Variants in MAP4K1 observed in about 807,000 individuals in gnomAD.
MAP4K1 encodes the protein MAPK/ERK kinase kinase kinase 1.
A neutral mutation model predicts 122.8 loss-of-function variants in MAP4K1; 35 were observed. The ratio of observed to expected loss-of-function variants is 0.29; its 90% CI spans 0.22 to 0.38. The LOEUF is 0.38. MAP4K1 is among the 10% of genes least tolerant of loss of function. The pLI is 1.00. For missense variants in MAP4K1, 791 were observed against 1,072.6 expected (o/e 0.74, Z 3.67); for synonymous variants, 412 against 421.3 (o/e 0.98, Z 0.27).
rs770234183 is a variant in MAP4K1 at position 38,596,036 on chromosome 19, C to T, written c.2117-35G>A. The T allele has an allele frequency of 8.8e-6, 14 of 1,590,848 alleles. No homozygotes were observed. The Admixed American group carries it at 2.2e-4, about 25-fold the overall frequency. On this transcript the variant is annotated intron_variant, in intron 26 of 30. Coordinates refer to ENST00000396857, the MANE Select transcript of MAP4K1 (RefSeq NM_001042600.3). Reference sequence around the variant, plus strand: ...GGGAGTGGGTTAAGGATTGACCCCACCCCATTCCCCTTTCCCCACACCACC... The same window carrying T: ...GGGAGTGGGTTAAGGATTGACCCCATCCCATTCCCCTTTCCCCACACCACC...
chr19:38,614,595 T>C, intron 4 of MAP4K1, 150 bp from the exon 5 acceptor site: 1 of 786,584 alleles, frequency 1.3e-6, no homozygotes, highest in South Asian at 1.5e-5. Flanking sequence ...GGTGGGGTGG[T>C]CAGTGACAGA....
intron 16 of MAP4K1, 58 bp from the exon 17 acceptor site, chr19:38,606,273 GATGGC>G (rs1975327315): frequency 2.4e-6 from 2 of 846,948 alleles, no homozygotes; most frequent in Non-Finnish European, 3.7e-6. Context: ...ACTCGGGGAA[GATGGC>G]ATGGTTCTGG....
chr19:38,607,786 G>A, intron 16 of MAP4K1, 78 bp downstream of exon 16: 1 of 1,503,276 alleles, frequency 6.7e-7, no homozygotes, highest in South Asian at 1.2e-5. Flanking sequence ...AGGAGTGGAG[G>A]AAAGGCCACA....
chr19:38,605,345 C>A, intron 19 of MAP4K1, 64 bp downstream of exon 19: 1 of 1,215,592 alleles, frequency 8.2e-7, no homozygotes, highest in South Asian at 1.3e-5. Flanking sequence ...CACCCCCTCC[C>A]CACCCCACCA....
chr19:38,593,431 G>T, intron 29 of MAP4K1, 94 bp from the exon 30 acceptor site: 2 of 1,140,460 alleles, frequency 1.8e-6, no homozygotes, highest in Non-Finnish European at 1.3e-6. Flanking sequence ...AGCTGGGCAC[G>T]GTGGCTCACG....
chr19:38,601,824 C>T (rs1975074856), intron 19 of MAP4K1: 1 of 363,672 alleles, frequency 2.7e-6, no homozygotes, highest in African/African-American at 2.2e-5. Context: ...GTTGCCCAGG[C>T]TGGAATGCAA....
chr19:38,595,836 C>T (rs752122762), intron 27 of MAP4K1, 103 bp downstream of exon 27: 22 of 1,508,542 alleles, frequency 1.5e-5, no homozygotes, highest in Non-Finnish European at 1.9e-5. Context: ...GGGGCAAGGC[C>T]CAGAGGGGCT....
intron 29 of MAP4K1, 54 bp from the exon 30 acceptor site, chr19:38,593,391 A>G: frequency 6.7e-7 from 1 of 1,492,228 alleles, no homozygotes; most frequent in Non-Finnish European, 9.2e-7. Context: ...CACTGTCACT[A>G]CGAACATGGC....
In MAP4K1 at chr19:38,599,891, C is replaced by T. The variant is rs754026104; in HGVS notation, c.1669+34G>A. ...CCCGAACCCTTGGACCCCTTAACTT[C>T]CGACCCCATCCCACCTGCTACCCAC... On this transcript the variant is annotated intron_variant, in intron 22 of 30. Coordinates refer to ENST00000396857, the MANE Select transcript of MAP4K1 (RefSeq NM_001042600.3). 9 of 1,610,380 alleles carry T rather than the reference C, an allele frequency of 5.6e-6. No homozygotes were observed. The Middle Eastern group carries it at 1.2e-3, about 207-fold the overall frequency.
rs185429249 is a variant in MAP4K1 at position 38,605,690 on chromosome 19, A to G, written c.1241T>C (p.Met414Thr). 943 of 1,607,448 alleles carry G rather than the reference A, an allele frequency of 5.9e-4. 5 individuals carry two copies. The African/African-American group carries it at 0.011, about 19-fold the overall frequency. ...RSPSDEGPGS[M>T]GDDGQLSPGV... ...CGGGCTCAGCTGCCCATCATCCCCC[A>G]TGCTCCCAGGACCCTCGTCTGATGG... is the stretch of plus-strand genomic sequence containing the variant. Residue 414 changes from methionine to threonine, a missense_variant, in exon 18 of 31, where the codon ATG becomes ACG. By Grantham distance (81) the Met-to-Thr change is moderately conservative (BLOSUM62 -1). Around this residue, in one of 4 missense-constraint regions of MAP4K1, gnomAD observed 303 missense variants for 344.8 expected, o/e 0.88. Coordinates refer to ENST00000396857, the MANE Select transcript of MAP4K1 (RefSeq NM_001042600.3).
intron 22 of MAP4K1, among the ~76,000 whole-genome samples, chr19:38,599,618 T>C (rs949686880): frequency 1.3e-5 from 2 of 151,894 alleles, no homozygotes; most frequent in Non-Finnish European, 2.9e-5. Flanking sequence ...GCTGAGATTG[T>C]ACCACTGCGC....
Position 38,597,453 on chromosome 19 carries a change from G to A in MAP4K1, c.1778+33C>T, listed in dbSNP as rs968460603. 6.2e-7 allele frequency: 1 copy of A among 1,612,912 alleles called. No homozygotes were observed. Among genetic ancestry groups the A allele is most frequent in the Non-Finnish European group, 8.5e-7 (1 of 1,179,004 alleles). ...CAGAGGGGCATGGGAGGAATTATAA[G>A]GCTGTGTGGTGCCATTCATTGGGAG... On this transcript the variant is annotated intron_variant, in intron 23 of 30. Transcript: ENST00000396857. The surrounding 1 kb of genome is among the most constrained non-coding windows in gnomAD (Gnocchi z 4.6).
chr19:38,595,820 A>G, intron 27 of MAP4K1, 91 bp from the exon 28 acceptor site: 1 of 1,490,050 alleles, frequency 6.7e-7, no homozygotes, highest in South Asian at 1.1e-5. Flanking sequence ...AAAGCTATGT[A>G]GGACAGGGGC....
At chr19:38,609,295 C>T (rs777917317) in intron 13 of MAP4K1, among the ~76,000 whole-genome samples, 30 of 152,132 alleles carry the variant, frequency 2.0e-4, no homozygotes, top group Non-Finnish European at 4.0e-4. Flanking sequence ...CTACCACACC[C>T]GGCTAATTTT....
chr19:38,605,086 T>TAAAA (rs762922462), intron 19 of MAP4K1, among the ~76,000 whole-genome samples: 19 of 124,724 alleles, frequency 1.5e-4, no homozygotes, highest in Middle Eastern at 3.9e-3. Flanking sequence ...ACTCCGTCTT[T>TAAAA]AAAAAAAAAA....
Position 38,596,008 on chromosome 19 carries a change from G to C in MAP4K1, c.2117-7C>G. ...TGCACGGGTCCCCTGTGCTCTGTTT[G>C]GGGGGAGTGGGTTAAGGATTGACCC... On this transcript the variant is annotated splice_region_variant and splice_polypyrimidine_tract_variant and intron_variant, in intron 26 of 30. Transcript: ENST00000396857. 1 of 1,613,438 alleles carries C rather than the reference G, an allele frequency of 6.2e-7. No homozygotes were observed. Among genetic ancestry groups the C allele is most frequent in the East Asian group, 2.2e-5 (1 of 44,860 alleles).
In MAP4K1 at chr19:38,614,297, G is replaced by A; in HGVS notation, c.370-5C>T. 6.2e-7 allele frequency: 1 copy of A among 1,614,196 alleles called. No homozygotes were observed. The highest frequency in any genetic ancestry group is 8.5e-7 in the Non-Finnish European group (1 of 1,180,016). On this transcript the variant is annotated splice_polypyrimidine_tract_variant and splice_region_variant and intron_variant, in intron 5 of 30. Coordinates refer to ENST00000396857, the MANE Select transcript of MAP4K1 (RefSeq NM_001042600.3). Reference sequence around the variant, plus strand: ...TGAGTGCAAATAGGCCAGTCCCTGGGGAGAAGGGTGGACAAGGGGACAGTG... The same window carrying A: ...TGAGTGCAAATAGGCCAGTCCCTGGAGAGAAGGGTGGACAAGGGGACAGTG...
In MAP4K1 at chr19:38,605,483, G is replaced by A; in HGVS notation, c.1372C>T (p.Leu458Phe). The A allele has an allele frequency of 2.5e-6, 4 of 1,590,838 alleles. No individual in the cohort carries two copies. The highest frequency in any genetic ancestry group is 3.4e-6 in the Non-Finnish European group (4 of 1,170,266). Residue 458 changes from leucine (L) to phenylalanine (F), a missense_variant, in exon 19 of 31, where the codon CTC becomes TTC. Around this residue, in one of 4 missense-constraint regions of MAP4K1, gnomAD observed 303 missense variants for 344.8 expected, o/e 0.88. Transcript: ENST00000396857. Reference protein sequence around the residue: ...PHLTAHSEPSLWNPPSRELDK... With the variant: ...PHLTAHSEPSFWNPPSRELDK... ...AGCTCCCGGGAGGGTGGGTTCCAGA[G>A]TGAGGGTTCTGAGAGGGGTTAGGAG... is the stretch of plus-strand genomic sequence containing the variant.
In MAP4K1 at chr19:38,607,991, T is replaced by C. The variant is rs1309914050; in HGVS notation, c.1108A>G (p.Arg370Gly). 1 of 1,611,418 alleles carries C rather than the reference T, an allele frequency of 6.2e-7. No homozygotes were observed. The highest frequency in any genetic ancestry group is 8.5e-7 in the Non-Finnish European group (1 of 1,178,714). Reference protein sequence around the residue: ...PPRDLRSSSPRKQLSESSDDD... With the variant: ...PPRDLRSSSPGKQLSESSDDD... ...CCCATCCTCCCTGGGGTCCCTGACC[T>C]GGGGCTGCTGCTCCTGAGGTCTCGA... Residue 370 changes from arginine (R) to glycine (G), a missense_variant and splice_region_variant, in exon 15 of 31, where the codon AGG becomes GGG. Physicochemically the swap from Arg to Gly is moderately radical, Grantham distance 125. Around this residue, in one of 4 missense-constraint regions of MAP4K1, gnomAD observed 303 missense variants for 344.8 expected, o/e 0.88. Coordinates refer to ENST00000396857, the MANE Select transcript of MAP4K1 (RefSeq NM_001042600.3).
Sources: allele counts gnomAD v4.1 joint callset (sites outside exome capture counted in the v4.1 genomes callset), GRCh38; gene constraint gnomAD v4.1.1; regional missense constraint gnomAD v4.1.1; non-coding constraint Gnocchi (gnomAD v3.1); transcripts MANE v1.5; gene names NCBI Gene and HGNC (gene_info 2026-07-23, HGNC 2026-07-21).